The following ZDHHC8 variants were observed in gnomAD, a reference collection of about 807,000 sequenced individuals.
The protein encoded by ZDHHC8 is zDHHC palmitoyltransferase 8, also known as palmitoyltransferase ZDHHC8.
A neutral mutation model predicts 61.2 loss-of-function variants in ZDHHC8; 24 were observed. That is an observed-to-expected ratio of 0.39 (90% confidence interval 0.28 to 0.55). The LOEUF (loss-of-function observed/expected upper bound fraction) is 0.55. Ranked by LOEUF, ZDHHC8 falls within the 20% of genes least tolerant of loss-of-function variation. The pLI, the probability that ZDHHC8 is intolerant of heterozygous loss-of-function variation, is 0.60. For missense variants in ZDHHC8, 935 were observed against 1,102.1 expected (o/e 0.85, Z 2.15); for synonymous variants, 523 against 492.5 (o/e 1.06, Z -0.82).
chr22:20,140,030 GA>G (rs2148006242), intron 4 of ZDHHC8, 84 bp from the exon 5 acceptor site: 2 of 1,592,580 alleles, frequency 1.3e-6, no homozygotes, highest in South Asian at 2.2e-5. Context: ...AGGTTGGGAG[GA>G]GGTTTGTCCA....
chr22:20,136,113 CT>C (rs1352043480), intron 1 of ZDHHC8, among the ~76,000 whole-genome samples: 1 of 152,184 alleles, frequency 6.6e-6, no homozygotes, highest in East Asian at 1.9e-4. Flanking sequence ...GCTGGGCCCC[CT>C]GGACCTGCCC....
At position 20,143,281 on chromosome 22, in the gene ZDHHC8, T is replaced by C. The variant is rs779692033; in HGVS notation, c.1651T>C (p.Ser551Pro). ...YDNLSRTIMA[S>P]IQERKDREER... ...CAACCTGTCCAGGACCATCATGGCA[T>C]CCATCCAGGAGCGCAAGGACAGGGA... Residue 551 changes from serine (S) to proline (P), a missense_variant, in exon 10 of 11, where the codon TCC becomes CCC. Ser to Pro is a moderately conservative substitution (Grantham distance 74, BLOSUM62 -1). Transcript: ENST00000334554. The C allele has an allele frequency of 2.7e-5, 43 of 1,605,892 alleles. No individual in the cohort carries two copies. The South Asian group carries it at 3.9e-4, about 14-fold the overall frequency.
chr22:20,145,811 G>T lies in ZDHHC8; in HGVS notation c.*411G>T. On this transcript the variant is annotated 3_prime_UTR_variant, in exon 11 of 11. Transcript: ENST00000334554. ...TCCCAGAGATGGACAGAGGCACCCAGGGCCCCCACCGTCCTTCTGACACAG... is the reference window on the plus strand; with the variant it reads ...TCCCAGAGATGGACAGAGGCACCCATGGCCCCCACCGTCCTTCTGACACAG... The T allele has an allele frequency of 1.0e-6, 1 of 988,862 alleles. No homozygotes were observed. Among genetic ancestry groups the T allele is most frequent in the Non-Finnish European group, 1.2e-6 (1 of 832,298 alleles). 61.3% of individuals were successfully genotyped at this position (988,862 alleles called of 1,614,324 possible). A position where few individuals can be genotyped will look rare whatever the true frequency, so the allele number is the denominator to read the frequency against.
At position 20,146,295 on chromosome 22, in the gene ZDHHC8, C is replaced by T. The variant is rs1040857138; in HGVS notation, c.*895C>T. 11 of 985,498 alleles carry T rather than the reference C, an allele frequency of 1.1e-5. No individual in the cohort carries two copies. The African/African-American group carries it at 1.7e-4, about 16-fold the overall frequency. 61.0% of individuals were successfully genotyped at this position (985,498 alleles called of 1,614,324 possible). A position where few individuals can be genotyped will look rare whatever the true frequency, so the allele number is the denominator to read the frequency against. On this transcript the variant is annotated 3_prime_UTR_variant, in exon 11 of 11. Transcript: ENST00000334554. ...GCAGCCCCGGCCTGGCTGCGGTGCT[C>T]GCGCCGTGGGAAAGCACACTGGGGA... is the stretch of plus-strand genomic sequence containing the variant.
At position 20,143,120 on chromosome 22, in the gene ZDHHC8, C is replaced by T; in HGVS notation, c.1490C>T (p.Pro497Leu). Reference protein sequence around the residue: ...SPGGHACPAHPAVGVAGYHSP... With the variant: ...SPGGHACPAHLAVGVAGYHSP... The stretch of plus-strand genomic sequence containing the variant: ...GGTGGCCACGCCTGCCCTGCCCACC[C>T]AGCAGTTGGCGTGGCCGGATACCAC... The change falls in exon 10 of 11, where the codon CCA (proline) becomes CTA (leucine). Residue 497 changes from proline to leucine, a missense_variant. Pro to Leu is a moderately conservative substitution (Grantham distance 98, BLOSUM62 -3). Coordinates refer to ENST00000334554, the MANE Select transcript of ZDHHC8 (RefSeq NM_013373.4). 1 of 1,612,258 alleles carries T rather than the reference C, an allele frequency of 6.2e-7. No homozygotes were observed. The highest frequency in any genetic ancestry group is 8.5e-7 in the Non-Finnish European group (1 of 1,179,846).
intron 1 of ZDHHC8, among the ~76,000 whole-genome samples, chr22:20,133,829 C>T: frequency 6.6e-6 from 1 of 152,150 alleles, no homozygotes; most frequent in Non-Finnish European, 1.5e-5. Flanking sequence ...ATCTCCTGTC[C>T]TCCTTGGAGG....
intron 4 of ZDHHC8, 93 bp from the exon 5 acceptor site, chr22:20,140,022 G>T: frequency 1.9e-6 from 3 of 1,591,208 alleles, no homozygotes; most frequent in Non-Finnish European, 1.7e-6. Flanking sequence ...CCGTCCCTAG[G>T]TTGGGAGGAG....
chr22:20,141,323 G>A lies in ZDHHC8; in HGVS notation c.1001G>A (p.Arg334His), dbSNP rs771938147. 2.2e-5 allele frequency: 36 copies of A among 1,612,398 alleles called. No homozygotes were observed. Among genetic ancestry groups the A allele is most frequent in the Admixed American group, 6.7e-5 (4 of 59,928 alleles). Residue 334 changes from arginine (R) to histidine (H), a missense_variant, in exon 8 of 11, where the codon CGC becomes CAC. Physicochemically the swap from Arg to His is conservative, Grantham distance 29 (BLOSUM62 0). This residue lies in a region of ZDHHC8 where 692 missense variants were observed against 731.4 expected (regional missense o/e 0.95). Transcript: ENST00000334554. Reference sequence around the variant, plus strand: ...TTCAGCAGTGACCTGCAGACCCCGCGCCCAGGCAGTGCTGGTGAGGTTGGG... The same window carrying A: ...TTCAGCAGTGACCTGCAGACCCCGCACCCAGGCAGTGCTGGTGAGGTTGGG... ...GTFSSDLQTP[R>H]PGSAESALSV...
Position 20,143,660 on chromosome 22 carries a change from C to T in ZDHHC8, c.2030C>T (p.Pro677Leu), listed in dbSNP as rs1424587903. The change falls in exon 10 of 11, where the codon CCC becomes CTC. Residue 677 changes from proline (P) to leucine (L), a missense_variant. Pro to Leu is a moderately conservative substitution (Grantham distance 98). Around this residue, in one of 3 missense-constraint regions of ZDHHC8, gnomAD observed 692 missense variants for 731.4 expected, o/e 0.95. Transcript: ENST00000334554. Reference sequence around the variant, plus strand: ...GCACGCCAGGGCCTGCCCTCCCCGCCCGGCACTCCCCACTCACCATCCTAC... The same window carrying T: ...GCACGCCAGGGCCTGCCCTCCCCGCTCGGCACTCCCCACTCACCATCCTAC... Reference protein sequence around the residue: ...SPARQGLPSPPGTPHSPSYAG... With the variant: ...SPARQGLPSPLGTPHSPSYAG... 6.2e-7 allele frequency: 1 copy of T among 1,608,610 alleles called. No homozygotes were observed.
chr22:20,144,511 C>T (rs559624610), intron 10 of ZDHHC8, among the ~76,000 whole-genome samples: 11 of 152,354 alleles, frequency 7.2e-5, no homozygotes, highest in South Asian at 6.2e-4. Context: ...TGTTTCCCGT[C>T]GGCAGATGCA....
rs916959845 is a variant in ZDHHC8, at chr22:20,146,156, G to A, written c.*756G>A. 1.1e-5 allele frequency: 11 copies of A among 985,578 alleles called. No individual in the cohort carries two copies. The highest frequency in any genetic ancestry group is 1.3e-5 in the Non-Finnish European group (11 of 829,970). 61.1% of individuals were successfully genotyped at this position (985,578 alleles called of 1,614,324 possible). A position where few individuals can be genotyped will look rare whatever the true frequency, so the allele number is the denominator to read the frequency against. ...GGAGGCGACGGGGGGGCAGGCGGGAGCAGGCACGGGGGTGATGCTGCCACA... is the reference window on the plus strand; with the variant it reads ...GGAGGCGACGGGGGGGCAGGCGGGAACAGGCACGGGGGTGATGCTGCCACA... On this transcript the variant is annotated 3_prime_UTR_variant, in exon 11 of 11. Transcript: ENST00000334554.
intron 5 of ZDHHC8, 99 bp downstream of exon 5, chr22:20,140,316 T>G: frequency 1.6e-6 from 2 of 1,246,878 alleles, no homozygotes; most frequent in East Asian, 5.0e-5. Context: ...CTGAGGTAGC[T>G]TGTGCAGCTG....
intron 1 of ZDHHC8, 68 bp from the exon 2 acceptor site, chr22:20,139,126 C>T (rs1416131849): frequency 5.1e-6 from 8 of 1,563,874 alleles, no homozygotes. Flanking sequence ...TGCCGCACCA[C>T]ATAGCTCTGC....
rs1418675604 is a variant in ZDHHC8, at chr22:20,146,815, C to T, written c.*1415C>T. On this transcript the variant is annotated 3_prime_UTR_variant, in exon 11 of 11. Transcript: ENST00000334554. ...ATAGGGGCCACCTGTTGGCTCAGGG[C>T]CCTGTGGGGGCCGCTGAACCTGCTG... The T allele has an allele frequency of 4.0e-6, 5 of 1,246,718 alleles. No individual in the cohort carries two copies. The highest frequency in any genetic ancestry group is 4.0e-6 in the Non-Finnish European group (4 of 996,728). 77.2% of individuals were successfully genotyped at this position (1,246,718 alleles called of 1,614,324 possible).
chr22:20,143,722 C>A lies in ZDHHC8; in HGVS notation c.2092C>A (p.Leu698Ile). 1 of 1,610,162 alleles carries A rather than the reference C, an allele frequency of 6.2e-7. No homozygotes were observed. Among genetic ancestry groups the A allele is most frequent in the East Asian group, 2.2e-5 (1 of 44,838 alleles). ...AGCTGTCGCCTTCATCCACACGGAC[C>A]TCCCAGAGCCACCGCCCTCGCTGAC... Reference protein sequence around the residue: ...PKAVAFIHTDLPEPPPSLTVQ... With the variant: ...PKAVAFIHTDIPEPPPSLTVQ... The change falls in exon 10 of 11, where the codon CTC becomes ATC. Residue 698 changes from leucine to isoleucine, a missense_variant. Leu to Ile is a conservative substitution (Grantham distance 5, BLOSUM62 2). Around this residue, in one of 3 missense-constraint regions of ZDHHC8, gnomAD observed 692 missense variants for 731.4 expected, o/e 0.95. Transcript: ENST00000334554.
At chr22:20,132,915 A>AC in intron 1 of ZDHHC8, among the ~76,000 whole-genome samples, 1 of 151,346 alleles carries the variant, frequency 6.6e-6, no homozygotes, top group South Asian at 2.1e-4. Context: ...TCAACCACCC[A>AC]CCCCCCTTCC....
At position 20,145,969 on chromosome 22, in the gene ZDHHC8, G is replaced by A; in HGVS notation, c.*569G>A. On this transcript the variant is annotated 3_prime_UTR_variant, in exon 11 of 11. Transcript: ENST00000334554. ...GCCCTGGCCTGCTCTGGGTGGTGGT[G>A]GATAGGTGGACAGACGGCCAGCCAG... The A allele has an allele frequency of 1.0e-6, 1 of 985,844 alleles. No individual in the cohort carries two copies. The highest frequency in any genetic ancestry group is 1.2e-6 in the Non-Finnish European group (1 of 830,068). The allele number at this position is 985,844 out of a possible 1,614,324, so 61.1% of individuals were successfully genotyped here.
intron 1 of ZDHHC8, among the ~76,000 whole-genome samples, chr22:20,133,252 G>T (rs118099740): frequency 6.6e-6 from 1 of 152,056 alleles, no homozygotes; most frequent in Non-Finnish European, 1.5e-5. Context: ...CTGGTGTGGG[G>T]CAGAGAGAGG....
In ZDHHC8 at chr22:20,146,552, G is replaced by T. The variant is rs1384647746; in HGVS notation, c.*1152G>T. ...GGCCCCAGAAGAGGGAGTGGCTGCTGTCTGGTGTGCAGGGGTCGGTGGGTT... is the reference window on the plus strand; with the variant it reads ...GGCCCCAGAAGAGGGAGTGGCTGCTTTCTGGTGTGCAGGGGTCGGTGGGTT... On this transcript the variant is annotated 3_prime_UTR_variant, in exon 11 of 11. Coordinates refer to ENST00000334554, the MANE Select transcript of ZDHHC8 (RefSeq NM_013373.4). 2 of 991,528 alleles carry T rather than the reference G, an allele frequency of 2.0e-6. No individual in the cohort carries two copies. The highest frequency in any genetic ancestry group is 3.5e-5 in the African/African-American group (2 of 57,488). 61.4% of individuals were successfully genotyped at this position (991,528 alleles called of 1,614,324 possible). A position where few individuals can be genotyped will look rare whatever the true frequency, so the allele number is the denominator to read the frequency against.
Sources: allele counts gnomAD v4.1 joint callset (sites outside exome capture counted in the v4.1 genomes callset), GRCh38; gene constraint gnomAD v4.1.1; regional missense constraint gnomAD v4.1.1; transcripts MANE v1.5; gene names NCBI Gene and HGNC (gene_info 2026-07-23, HGNC 2026-07-21).